Variants in KLF9 observed in about 807,000 individuals in gnomAD.
KLF9 encodes the protein KLF transcription factor 9, also known as Krueppel-like factor 9.
In KLF9, 2 loss-of-function variants were observed where a neutral mutation model predicts 17.3. The observed-to-expected ratio is 0.12, with a 90% confidence interval of 0.05 to 0.36. The LOEUF (loss-of-function observed/expected upper bound fraction) is 0.36, where lower values mean the gene tolerates loss of function less well. Ranked by LOEUF, KLF9 falls within the 10% of genes least tolerant of loss-of-function variation. The pLI is 1.00. For missense variants in KLF9, 226 were observed against 333.2 expected (o/e 0.68, Z 2.51); for synonymous variants, 138 against 139.2 (o/e 0.99, Z 0.06).
intron 1 of KLF9, among the ~76,000 whole-genome samples, chr9:70,397,075 T>C (rs2037185735): frequency 6.6e-6 from 1 of 152,202 alleles, no homozygotes; most frequent in Admixed American, 6.5e-5. Flanking sequence ...GGTGATTTAC[T>C]TTCTATTGAG....
At chr9:70,400,651 G>C (rs1587740943) in intron 1 of KLF9, among the ~76,000 whole-genome samples, 1 of 152,152 alleles carries the variant, frequency 6.6e-6, no homozygotes, top group Admixed American at 6.6e-5. Context: ...GCATTCATAA[G>C]GACTCATGGT....
intron 1 of KLF9, among the ~76,000 whole-genome samples, chr9:70,398,840 C>G (rs891309275): frequency 6.6e-6 from 1 of 151,710 alleles, no homozygotes; most frequent in Non-Finnish European, 1.5e-5. Context: ...AAAAACTATA[C>G]ATTTTCTTTT....
At chr9:70,392,141 C>T (rs908522589) in intron 1 of KLF9, among the ~76,000 whole-genome samples, 4 of 152,196 alleles carry the variant, frequency 2.6e-5, no homozygotes, top group South Asian at 2.1e-4. Context: ...GCCAAGATCA[C>T]GCCACTGCAC....
intron 1 of KLF9, among the ~76,000 whole-genome samples, chr9:70,395,849 C>T (rs547659111): frequency 1.3e-5 from 2 of 152,214 alleles, no homozygotes; most frequent in Non-Finnish European, 2.9e-5. Flanking sequence ...GTGGGAGGAT[C>T]ACTTGAACCA....
At chr9:70,409,154 A>ATATATGTGTGTG in intron 1 of KLF9, among the ~76,000 whole-genome samples, 1 of 49,626 alleles carries the variant, frequency 2.0e-5, no homozygotes, top group African/African-American at 4.1e-5. Flanking sequence ...GTATATGTAT[A>ATATATGTGTGTG]TATATACACA....
rs2037123633 is a variant in KLF9 at position 70,387,722 on chromosome 9, G to C, written c.*54C>G. 6.7e-7 allele frequency: 1 copy of C among 1,496,376 alleles called. No homozygotes were observed. The highest frequency in any genetic ancestry group is 1.4e-5 in the African/African-American group (1 of 72,640). 92.7% of individuals were successfully genotyped at this position (1,496,376 alleles called of 1,614,324 possible). A position where few individuals can be genotyped will look rare whatever the true frequency, so the allele number is the denominator to read the frequency against. On this transcript the variant is annotated 3_prime_UTR_variant, in exon 2 of 2. Coordinates refer to ENST00000377126, the MANE Select transcript of KLF9 (RefSeq NM_001206.4). Reference sequence around the variant, plus strand: ...CAGTTTTCACGCGTCTGTTTCCTGGGAGTACTTTTCTCCTTTCGGGGTCCA... The same window carrying C: ...CAGTTTTCACGCGTCTGTTTCCTGGCAGTACTTTTCTCCTTTCGGGGTCCA...
chr9:70,402,478 T>C (rs2037228417), intron 1 of KLF9, among the ~76,000 whole-genome samples: 1 of 152,214 alleles, frequency 6.6e-6, no homozygotes, highest in Admixed American at 6.5e-5. Flanking sequence ...GTAATAAATG[T>C]TCCTGTAAAC....
intron 1 of KLF9, among the ~76,000 whole-genome samples, chr9:70,396,899 C>T (rs2037184996): frequency 6.6e-6 from 1 of 152,028 alleles, no homozygotes; most frequent in African/African-American, 2.4e-5. Context: ...ATATTCCAGG[C>T]CAGACATGGT....
chr9:70,404,501 A>AG (rs2037243603), intron 1 of KLF9, among the ~76,000 whole-genome samples: 1 of 151,920 alleles, frequency 6.6e-6, no homozygotes, highest in South Asian at 2.1e-4. Flanking sequence ...TTGCTTGAGT[A>AG]GGGGGTAGGG....
intron 1 of KLF9, among the ~76,000 whole-genome samples, chr9:70,409,092 G>GTA (rs1448941452): frequency 8.1e-5 from 7 of 86,028 alleles, no homozygotes; most frequent in African/African-American, 1.9e-4. Flanking sequence ...ACACATATAT[G>GTA]TATATATATG....
rs1395948370 is a variant in KLF9, at chr9:70,386,341, A to G, written c.*1435T>C. 1 of 152,660 alleles carries G rather than the reference A, an allele frequency of 6.6e-6. No individual in the cohort carries two copies. Among genetic ancestry groups the G allele is most frequent in the South Asian group, 2.1e-4 (1 of 4,830 alleles). 9.5% of individuals were successfully genotyped at this position (152,660 alleles called of 1,614,324 possible). A position where few individuals can be genotyped will look rare whatever the true frequency, so the allele number is the denominator to read the frequency against. ...GGTTTCAGCCATTATAGACACCTAGATACAAGATATATTAGTGGTGAGGCT... is the reference window on the plus strand; with the variant it reads ...GGTTTCAGCCATTATAGACACCTAGGTACAAGATATATTAGTGGTGAGGCT... On this transcript the variant is annotated 3_prime_UTR_variant, in exon 2 of 2. Coordinates refer to ENST00000377126, the MANE Select transcript of KLF9 (RefSeq NM_001206.4).
chr9:70,413,086 A>G lies in KLF9; in HGVS notation c.278T>C (p.Met93Thr), dbSNP rs2037339375. 6.2e-7 allele frequency: 1 copy of G among 1,613,996 alleles called. No individual in the cohort carries two copies. Among genetic ancestry groups the G allele is most frequent in the African/African-American group, 1.3e-5 (1 of 74,904 alleles). Residue 93 changes from methionine to threonine, a missense_variant, in exon 1 of 2, where the codon ATG (methionine) becomes ACG (threonine). Met to Thr is a moderately conservative substitution (Grantham distance 81). Transcript: ENST00000377126. This position sits in a 1 kb window ranked among gnomAD's most constrained non-coding sequence, Gnocchi z 5.6. ...GGTGGTCACGTCGCTGTCGGATCCC[A>G]TATCCTCATCTGGACTTTCCAGACT... ...SDSLESPDED[M>T]GSDSDVTTES...
Position 70,413,464 on chromosome 9 carries a change from C to G in KLF9, c.-101G>C, listed in dbSNP as rs945962120. On this transcript the variant is annotated 5_prime_UTR_variant, in exon 1 of 2. Coordinates refer to ENST00000377126, the MANE Select transcript of KLF9 (RefSeq NM_001206.4). The surrounding 1 kb of genome is among the most constrained non-coding windows in gnomAD (Gnocchi z 5.6). Reference sequence around the variant, plus strand: ...GCCTCGGACGACGAGCGCGGCGCGGCGCGGCACGGCGCGGCGGCCAAGGGG... The same window carrying G: ...GCCTCGGACGACGAGCGCGGCGCGGGGCGGCACGGCGCGGCGGCCAAGGGG... 1.4e-4 allele frequency: 170 copies of G among 1,193,612 alleles called. No individual in the cohort carries two copies. Among genetic ancestry groups the G allele is most frequent in the Non-Finnish European group, 1.7e-4 (162 of 955,528 alleles). 73.9% of individuals were successfully genotyped at this position (1,193,612 alleles called of 1,614,324 possible).
At chr9:70,402,168 T>G (rs1224810522) in intron 1 of KLF9, among the ~76,000 whole-genome samples, 5 of 152,220 alleles carry the variant, frequency 3.3e-5, no homozygotes, top group Admixed American at 3.3e-4. Context: ...ATTTTGGGGC[T>G]GGCCATGAGT....
At chr9:70,392,234 A>G (rs1365964204) in intron 1 of KLF9, among the ~76,000 whole-genome samples, 1 of 152,198 alleles carries the variant, frequency 6.6e-6, no homozygotes, top group East Asian at 1.9e-4. Context: ...TGGCCACCAG[A>G]ATTTGTAAAT....
chr9:70,401,557 G>A (rs946149088), intron 1 of KLF9, among the ~76,000 whole-genome samples: 9 of 151,046 alleles, frequency 6.0e-5, no homozygotes, highest in Admixed American at 1.3e-4. Context: ...TGTGGTGGCG[G>A]GCACCTGTAA....
At chr9:70,399,544 C>T (rs936878717) in intron 1 of KLF9, among the ~76,000 whole-genome samples, 3 of 152,334 alleles carry the variant, frequency 2.0e-5, no homozygotes, top group East Asian at 1.9e-4. Flanking sequence ...TTCTTTGAAT[C>T]TTTGCAATTT....
intron 1 of KLF9, among the ~76,000 whole-genome samples, chr9:70,389,398 G>A (rs186656304): frequency 5.9e-5 from 9 of 152,242 alleles, no homozygotes; most frequent in Admixed American, 2.6e-4. Context: ...AGACTTGGAG[G>A]GTTAAACTCT....
At chr9:70,410,803 C>T (rs2118930167) in intron 1 of KLF9, among the ~76,000 whole-genome samples, 1 of 152,294 alleles carries the variant, frequency 6.6e-6, no homozygotes, top group Non-Finnish European at 1.5e-5. Flanking sequence ...CATGAGACCT[C>T]CAAGTCTCTT....
Sources: gnomAD v4.1 joint callset for allele counts (sites outside exome capture counted in the v4.1 genomes callset) on GRCh38, gnomAD v4.1.1 for gene constraint, Gnocchi (gnomAD v3.1) non-coding constraint, MANE v1.5 for transcripts, NCBI Gene and HGNC (gene_info 2026-07-23, HGNC 2026-07-21) for gene names.